Variants in PIGP observed in about 807,000 individuals in gnomAD.
PIGP encodes phosphatidylinositol N-acetylglucosaminyltransferase subunit P.
In PIGP, 12 loss-of-function variants were observed where a neutral mutation model predicts 16.9. The ratio of observed to expected loss-of-function variants is 0.71; its 90% CI spans 0.46 to 1.15. The LOEUF is 1.15. Ranked by LOEUF, PIGP falls within the 50% of genes most tolerant of loss-of-function variation. The pLI is 0.00. For synonymous variants in PIGP, 57 were observed against 54.7 expected, an observed-to-expected ratio of 1.04 and a Z score of -0.18; for missense variants, 159 against 153.5, an observed-to-expected ratio of 1.04 and a Z score of -0.19.
chr21:37,068,584 G>C (rs1486354765), intron 3 of PIGP, among the ~76,000 whole-genome samples: 2 of 151,702 alleles, frequency 1.3e-5, no homozygotes, highest in Non-Finnish European at 2.9e-5. Context: ...TTTAATGTCT[G>C]GTAACTTAGA....
chr21:37,072,707 G>T, intron 1 of PIGP, 170 bp from the exon 2 acceptor site: 1 of 1,073,702 alleles, frequency 9.3e-7, no homozygotes, highest in Non-Finnish European at 1.3e-6. Context: ...ACCCAGGCTG[G>T]CGCGCGCCCC....
chr21:37,072,383 G>C lies in PIGP; in HGVS notation c.82+51C>G, dbSNP rs562981845. On this transcript the variant is annotated intron_variant, in intron 2 of 4. Transcript: ENST00000360525. ...AGTCTAACCAATGTATTCTTCCCTT[G>C]TCACTGAACGCCAGAAAAAGCCCCT... is the stretch of plus-strand genomic sequence containing the variant. The C allele has an allele frequency of 1.9e-6, 3 of 1,610,706 alleles. No individual in the cohort carries two copies. The African/African-American group carries it at 4.0e-5, about 22-fold the overall frequency.
At chr21:37,067,564 A>T (rs954296213) in intron 3 of PIGP, among the ~76,000 whole-genome samples, 184 bp from the exon 4 acceptor site, 5 of 151,980 alleles carry the variant, frequency 3.3e-5, no homozygotes, top group Admixed American at 1.3e-4. Flanking sequence ...CACCATCCCA[A>T]CCCTGGGGTC....
intron 1 of PIGP, 97 bp from the exon 2 acceptor site, chr21:37,072,634 G>A (rs754711581): frequency 2.5e-6 from 4 of 1,592,420 alleles, no homozygotes; most frequent in Non-Finnish European, 2.6e-6. Context: ...GGCCCCCGCC[G>A]CGCAGAACCG....
chr21:37,070,228 T>C (rs1014877013), intron 2 of PIGP, among the ~76,000 whole-genome samples: 4 of 152,228 alleles, frequency 2.6e-5, no homozygotes, highest in African/African-American at 9.7e-5. Flanking sequence ...TATGCAATTT[T>C]AAATGATGAG....
chr21:37,067,515 T>A, intron 3 of PIGP, 135 bp from the exon 4 acceptor site: 1 of 566,868 alleles, frequency 1.8e-6, no homozygotes, highest in Non-Finnish European at 3.1e-6. Flanking sequence ...GACAAATAGT[T>A]CCACAAGGCT....
chr21:37,072,624 G>T (rs750564342), intron 1 of PIGP, 87 bp from the exon 2 acceptor site: 9 of 1,599,778 alleles, frequency 5.6e-6, no homozygotes, highest in East Asian at 2.2e-5. Context: ...CCGCGGGTAC[G>T]GCCCCCGCCG....
intron 1 of PIGP, chr21:37,072,782 C>T (rs115864164): frequency 0.027 from 16,203 of 591,802 alleles, 1,206 homozygotes; most frequent in East Asian, 0.24. Context: ...ACGCGCGCTC[C>T]AGCTCTGCAA....
intron 4 of PIGP, 53 bp from the exon 5 acceptor site, chr21:37,065,765 C>CT: frequency 6.4e-7 from 1 of 1,564,686 alleles, no homozygotes; most frequent in Non-Finnish European, 8.8e-7. Context: ...CTTCTACAGT[C>CT]TCTGTGTCTG....
intron 1 of PIGP, 83 bp from the exon 2 acceptor site, chr21:37,072,620 G>A: frequency 2.5e-6 from 4 of 1,602,244 alleles, no homozygotes; most frequent in Non-Finnish European, 3.4e-6. Context: ...TCCGCCGCGG[G>A]TACGGCCCCC....
intron 3 of PIGP, 190 bp downstream of exon 3, chr21:37,069,360 CAT>C (rs542028198): frequency 4.6e-4 from 151 of 331,542 alleles, no homozygotes; most frequent in Middle Eastern, 8.7e-4. Context: ...TGGAGATAAA[CAT>C]GTGTGTTCAT....
At chr21:37,067,015 T>TGTG (rs1376548627) in intron 4 of PIGP, among the ~76,000 whole-genome samples, 12 of 145,326 alleles carry the variant, frequency 8.3e-5, no homozygotes, top group South Asian at 2.2e-4. Context: ...TGTGTGTGTG[T>TGTG]TTTCTTTTAG....
rs112970770 is a variant in PIGP at position 37,072,535 on chromosome 21, A to C, written c.-20T>G. The C allele has an allele frequency of 3.2e-5, 51 of 1,614,222 alleles. No homozygotes were observed. The African/African-American group carries it at 4.8e-4, about 15-fold the overall frequency. Reference sequence around the variant, plus strand: ...CACCATTTTTCCTGGGGCTTTAGACAATCTGTGGAAAAGGAACACAATCAG... The same window carrying C: ...CACCATTTTTCCTGGGGCTTTAGACCATCTGTGGAAAAGGAACACAATCAG... On this transcript the variant is annotated splice_region_variant and 5_prime_UTR_variant, in exon 2 of 5. It adds an upstream start codon to the 5' untranslated region. Coordinates refer to ENST00000360525, the MANE Select transcript of PIGP (RefSeq NM_153682.3).
At chr21:37,066,031 C>T (rs989603469) in intron 4 of PIGP, among the ~76,000 whole-genome samples, 1 of 151,450 alleles carries the variant, frequency 6.6e-6, no homozygotes, top group South Asian at 2.1e-4. Context: ...TGCAGTGAGC[C>T]GAGATTGCGC....
rs534966472 is a variant in PIGP, at chr21:37,069,501, C to T, written c.155+51G>A. The T allele has an allele frequency of 1.9e-5, 21 of 1,114,338 alleles. No homozygotes were observed. In the South Asian group the frequency reaches 2.8e-4, roughly 15 times the overall value. 69.0% of individuals were successfully genotyped at this position (1,114,338 alleles called of 1,614,324 possible). ...GGTAGGTTTAAGAAATGATATGACT[C>T]CTCAAAACAGCATTAATTATATCCT... On this transcript the variant is annotated intron_variant, in intron 3 of 4. Coordinates refer to ENST00000360525, the MANE Select transcript of PIGP (RefSeq NM_153682.3).
At chr21:37,066,739 A>G (rs2069909838) in intron 4 of PIGP, among the ~76,000 whole-genome samples, 1 of 152,216 alleles carries the variant, frequency 6.6e-6, no homozygotes, top group African/African-American at 2.4e-5. Context: ...GTGTCTGTTC[A>G]GGATAAGCTT....
intron 2 of PIGP, among the ~76,000 whole-genome samples, chr21:37,070,518 T>G (rs1284434409): frequency 2.0e-5 from 3 of 152,212 alleles, no homozygotes; most frequent in Non-Finnish European, 2.9e-5. Flanking sequence ...AGAAGCACAT[T>G]AGAAGGCCCT....
chr21:37,067,054 T>C (rs559937869), intron 4 of PIGP, among the ~76,000 whole-genome samples: 1 of 151,676 alleles, frequency 6.6e-6, no homozygotes, highest in South Asian at 2.1e-4. Context: ...TCACCCAAGC[T>C]GGAGTACAGT....
chr21:37,072,582 C>G (rs574981993), intron 1 of PIGP, 45 bp from the exon 2 acceptor site: 1 of 1,613,980 alleles, frequency 6.2e-7, no homozygotes, highest in South Asian at 1.1e-5. Context: ...TGCTCCGTGG[C>G]ACCATTGATC....
Sources: allele counts gnomAD v4.1 joint callset (sites outside exome capture counted in the v4.1 genomes callset), GRCh38; gene constraint gnomAD v4.1.1; transcripts MANE v1.5; gene names NCBI Gene and HGNC (gene_info 2026-07-23, HGNC 2026-07-21).